The following SLC15A2 variants were observed in gnomAD, a reference collection of about 807,000 sequenced individuals.
SLC15A2 encodes the protein solute carrier family 15 member 2, also known as kidney H(+)/peptide cotransporter.
In SLC15A2, 77 loss-of-function variants were observed where a neutral mutation model predicts 95.5. The ratio of observed to expected loss-of-function variants is 0.81; its 90% CI spans 0.67 to 0.97. The LOEUF (loss-of-function observed/expected upper bound fraction) is 0.97. Ranked by LOEUF, SLC15A2 falls within the 50% of genes least tolerant of loss-of-function variation. The pLI is 0.00. For synonymous variants in SLC15A2, 306 were observed against 306.9 expected (o/e 1.00, Z 0.03); for missense variants, 893 against 874.4 (o/e 1.02, Z -0.27).
At chr3:121,922,466 T>C (rs1710025711) in intron 8 of SLC15A2, among the ~76,000 whole-genome samples, 164 bp downstream of exon 8, 1 of 142,544 alleles carries the variant, frequency 7.0e-6, no homozygotes, top group African/African-American at 2.6e-5. Flanking sequence ...CTTATGCCTC[T>C]ACTTAACCAT....
chr3:121,926,756 C>T (rs1710129671), intron 13 of SLC15A2, among the ~76,000 whole-genome samples: 1 of 152,218 alleles, frequency 6.6e-6, no homozygotes, highest in Non-Finnish European at 1.5e-5. Flanking sequence ...CCACTGGCAG[C>T]TTGCACCCTG....
chr3:121,929,085 A>G lies in SLC15A2; in HGVS notation c.1445A>G (p.Gln482Arg). ...TCTCTCTACACTGAGCATTCTGTGC[A>G]GGAGAAGAACTGGTACAGTCTTGTC... ...NLSLYTEHSV[Q>R]EKNWYSLVIR... The change falls in exon 16 of 22, where the codon CAG becomes CGG. Residue 482 changes from glutamine (Q) to arginine (R), a missense_variant. By Grantham distance (43) the Gln-to-Arg change is conservative (BLOSUM62 1). Transcript: ENST00000489711. The G allele has an allele frequency of 6.2e-7, 1 of 1,614,134 alleles. No homozygotes were observed. Among genetic ancestry groups the G allele is most frequent in the East Asian group, 2.2e-5 (1 of 44,878 alleles).
chr3:121,943,553 G>T lies in SLC15A2; in HGVS notation c.*2546G>T, dbSNP rs1920310. The T allele has an allele frequency of 0.07, 10,628 of 152,262 alleles. 424 individuals are homozygous for T. The highest frequency in any genetic ancestry group is 0.16 in the South Asian group (783 of 4,818). The allele number at this position is 152,262 out of a possible 1,614,324, so 9.4% of individuals were successfully genotyped here. ...CAAAGTAGTCTGACTGGAAGAACTA[G>T]CACCTGCCTTTCTTCAAACAATGCA... On this transcript the variant is annotated 3_prime_UTR_variant, in exon 22 of 22. Transcript: ENST00000489711.
At chr3:121,922,902 T>A in intron 9 of SLC15A2, 41 bp downstream of exon 9, 1 of 1,574,904 alleles carries the variant, frequency 6.3e-7, no homozygotes, top group Non-Finnish European at 8.7e-7. Context: ...CTTGATAGAG[T>A]CTTTCCTAAT....
intron 3 of SLC15A2, among the ~76,000 whole-genome samples, chr3:121,910,199 T>C (rs1396614942): frequency 4.3e-5 from 2 of 46,396 alleles, no homozygotes; most frequent in Non-Finnish European, 1.0e-4. Flanking sequence ...TAACTTTTTT[T>C]TTTTTTTTTT....
In SLC15A2 at chr3:121,897,447, A is replaced by G. The variant is rs1709439244; in HGVS notation, c.253A>G (p.Ile85Val). 10 of 1,613,984 alleles carry G rather than the reference A, an allele frequency of 6.2e-6. No homozygotes were observed. Among genetic ancestry groups the G allele is most frequent in the South Asian group, 1.1e-5 (1 of 91,068 alleles). ...CTGGAATGAAGATACCTCCACATCTATATACCATGCCTTCAGCAGCCTCTG... is the reference window on the plus strand; with the variant it reads ...CTGGAATGAAGATACCTCCACATCTGTATACCATGCCTTCAGCAGCCTCTG... The part of the protein sequence containing the change: ...LHWNEDTSTS[I>V]YHAFSSLCYF... The change falls in exon 3 of 22, where the codon ATA becomes GTA. Residue 85 changes from isoleucine to valine, a missense_variant. Transcript: ENST00000489711.
intron 7 of SLC15A2, among the ~76,000 whole-genome samples, chr3:121,917,386 T>C (rs1286233157): frequency 6.6e-6 from 1 of 152,092 alleles, no homozygotes; most frequent in African/African-American, 2.4e-5. Flanking sequence ...ATAGAAGCAA[T>C]GTTTAATTAA....
intron 3 of SLC15A2, among the ~76,000 whole-genome samples, chr3:121,906,556 G>A (rs931208451): frequency 3.9e-5 from 6 of 152,138 alleles, no homozygotes; most frequent in African/African-American, 1.2e-4. Flanking sequence ...CAGGCCTGGT[G>A]GTGACAAAAT....
At chr3:121,895,782 T>C (rs1472277049) in intron 1 of SLC15A2, among the ~76,000 whole-genome samples, 1 of 152,234 alleles carries the variant, frequency 6.6e-6, no homozygotes, top group Non-Finnish European at 1.5e-5. Flanking sequence ...TTATAGAATC[T>C]CTTTAGTAGG....
intron 4 of SLC15A2, 72 bp downstream of exon 4, chr3:121,911,738 AC>A: frequency 1.0e-6 from 1 of 991,442 alleles, no homozygotes; most frequent in Non-Finnish European, 1.6e-6. Flanking sequence ...CTGTTTTCTT[AC>A]CAGAGATGTC....
At position 121,913,108 on chromosome 3, in the gene SLC15A2, T is replaced by C. The variant is rs1186948407; in HGVS notation, c.516T>C (p.Phe172=). The C allele has an allele frequency of 6.2e-7, 1 of 1,613,066 alleles. No homozygotes were observed. Among genetic ancestry groups the C allele is most frequent in the Non-Finnish European group, 8.5e-7 (1 of 1,179,098 alleles). Reference sequence around the variant, plus strand: ...TGGCAGCTTTTGGTGGAGACCAGTTTGAAGAAAAACATGTAAGAATCCTGT... The same window carrying C: ...TGGCAGCTTTTGGTGGAGACCAGTTCGAAGAAAAACATGTAAGAATCCTGT... ...PCVAAFGGDQ[F]EEKHAEERTR... The change falls in exon 5 of 22, where the codon TTT becomes TTC. Residue 172 remains phenylalanine (F), a synonymous_variant. Coordinates refer to ENST00000489711, the MANE Select transcript of SLC15A2 (RefSeq NM_021082.4).
At chr3:121,918,100 T>C (rs1408058347) in intron 7 of SLC15A2, among the ~76,000 whole-genome samples, 1 of 152,194 alleles carries the variant, frequency 6.6e-6, no homozygotes, top group Non-Finnish European at 1.5e-5. Context: ...GAAAGGATTG[T>C]GTTGGAGTGA....
Position 121,924,948 on chromosome 3 carries a change from C to T in SLC15A2, c.1039C>T (p.Leu347=). ...CCTTTTTATCATGGTGTTACAGGTT[C>T]TAAATCCCCTTCTGGTTCTTATCTT... ...FVLQPDQMQV[L]NPLLVLIFIP... is the part of the protein sequence containing the mutation. The change falls in exon 13 of 22, where the codon CTA becomes TTA. Residue 347 remains leucine, a synonymous_variant. Transcript: ENST00000489711. 6.2e-7 allele frequency: 1 copy of T among 1,606,226 alleles called. No homozygotes were observed. Among genetic ancestry groups the T allele is most frequent in the South Asian group, 1.1e-5 (1 of 90,988 alleles).
At chr3:121,922,116 G>C in intron 7 of SLC15A2, 104 bp from the exon 8 acceptor site, 1 of 845,066 alleles carries the variant, frequency 1.2e-6, no homozygotes. Flanking sequence ...TTGTGCAAAA[G>C]TTATTGTGGT....
intron 16 of SLC15A2, 38 bp from the exon 17 acceptor site, chr3:121,929,264 C>A: frequency 6.2e-7 from 1 of 1,609,934 alleles, no homozygotes. Context: ...GGTCTTATTT[C>A]ATCAGCTGTT....
chr3:121,896,877 G>A (rs2107564229), intron 2 of SLC15A2, among the ~76,000 whole-genome samples: 1 of 141,452 alleles, frequency 7.1e-6, no homozygotes, highest in African/African-American at 2.6e-5. Context: ...CTCCAGCCTG[G>A]GCAACATAGC....
At chr3:121,928,332 T>C (rs757166966) in intron 14 of SLC15A2, 89 bp from the exon 15 acceptor site, 27 of 1,479,498 alleles carry the variant, frequency 1.8e-5, no homozygotes, top group African/African-American at 2.8e-5. Flanking sequence ...GCTAGTGGAC[T>C]AGGCTGTCAG....
chr3:121,925,124 T>C, intron 13 of SLC15A2, 91 bp downstream of exon 13: 1 of 908,654 alleles, frequency 1.1e-6, no homozygotes. Flanking sequence ...TTTTTCTTAG[T>C]GAGGATTGGT....
chr3:121,901,277 A>G (rs1221979191), intron 3 of SLC15A2, among the ~76,000 whole-genome samples: 1 of 152,172 alleles, frequency 6.6e-6, no homozygotes, highest in Non-Finnish European at 1.5e-5. Context: ...TCTGTCTCCC[A>G]AACTGCTGGG....
Sources: allele counts gnomAD v4.1 joint callset (sites outside exome capture counted in the v4.1 genomes callset), GRCh38; gene constraint gnomAD v4.1.1; transcripts MANE v1.5; gene names NCBI Gene and HGNC (gene_info 2026-07-23, HGNC 2026-07-21).